The following LIPM variants were observed in gnomAD, a reference collection of about 807,000 sequenced individuals.
LIPM encodes lipase family member M.
Under a neutral mutation model 42.4 loss-of-function variants are expected in LIPM, and 42 were observed. The ratio of observed to expected loss-of-function variants is 0.99; its 90% CI spans 0.77 to 1.28. The LOEUF (loss-of-function observed/expected upper bound fraction) is 1.28. Ranked by LOEUF, LIPM falls within the 50% of genes most tolerant of loss-of-function variation. The probability of loss-of-function intolerance (pLI) is 0.00; values close to 1 mark genes in which losing one functional copy is unlikely to be tolerated. For synonymous variants in LIPM, 177 were observed against 173.3 expected (o/e 1.02, Z -0.17); for missense variants, 524 against 520.1 (o/e 1.01, Z -0.07).
chr10:88,803,062 G>A lies in LIPM; in HGVS notation c.147+19G>A. On this transcript the variant is annotated intron_variant, in intron 1 of 8. Coordinates refer to ENST00000404743, the MANE Select transcript of LIPM (RefSeq NM_001128215.1). Reference sequence around the variant, plus strand: ...GAATATTGTAAGTTGGGATTTCTGGGAAATGAGGTACTTAACATGTTAACG... The same window carrying A: ...GAATATTGTAAGTTGGGATTTCTGGAAAATGAGGTACTTAACATGTTAACG... The A allele has an allele frequency of 1.3e-6, 2 of 1,549,042 alleles. No individual in the cohort carries two copies. The highest frequency in any genetic ancestry group is 2.4e-5 in the East Asian group (1 of 40,868).
chr10:88,804,628 C>T (rs549611959), intron 1 of LIPM, among the ~76,000 whole-genome samples: 7 of 152,014 alleles, frequency 4.6e-5, no homozygotes, highest in East Asian at 1.9e-4. Context: ...TTAGTTGCCC[C>T]GGCTGCTCAT....
chr10:88,805,040 T>C (rs1422338715), intron 1 of LIPM, among the ~76,000 whole-genome samples: 2 of 152,196 alleles, frequency 1.3e-5, no homozygotes, highest in Admixed American at 6.5e-5. Context: ...GCATATGGAT[T>C]ATGGTCTATC....
chr10:88,819,891 G>A (rs1257847692), intron 8 of LIPM, among the ~76,000 whole-genome samples: 1 of 151,952 alleles, frequency 6.6e-6, no homozygotes, highest in African/African-American at 2.4e-5. Context: ...AAAAGAACAG[G>A]GGCATTATTT....
rs139948967 is a variant in LIPM at position 88,813,304 on chromosome 10, T to C, written c.464+9T>C. ...GAGTTCTGGGCTTTCAGGTATATGA[T>C]AATCTCGAGAACAGAGGTAGACATG... is the stretch of plus-strand genomic sequence containing the variant. On this transcript the variant is annotated intron_variant, in intron 3 of 8. Coordinates refer to ENST00000404743, the MANE Select transcript of LIPM (RefSeq NM_001128215.1). The C allele has an allele frequency of 9.4e-4, 1,466 of 1,566,872 alleles. 6 individuals carry two copies. Among genetic ancestry groups the C allele is most frequent in the Non-Finnish European group, 1.2e-3 (1,389 of 1,153,348 alleles).
chr10:88,803,145 AC>A (rs1318868153), intron 1 of LIPM, 102 bp downstream of exon 1: 2 of 1,275,924 alleles, frequency 1.6e-6, no homozygotes, highest in African/African-American at 3.0e-5. Flanking sequence ...GGTGATTCAT[AC>A]TAGAAGAGCA....
intron 1 of LIPM, among the ~76,000 whole-genome samples, chr10:88,808,006 G>A (rs1474932691): frequency 6.6e-6 from 1 of 152,214 alleles, no homozygotes; most frequent in East Asian, 1.9e-4. Context: ...TCCTGATTCA[G>A]TAGGTTTGGT....
Position 88,815,099 on chromosome 10 carries a change from T to C in LIPM, c.586T>C (p.Phe196Leu), listed in dbSNP as rs766483623. The C allele has an allele frequency of 3.2e-6, 5 of 1,544,550 alleles. No homozygotes were observed. The African/African-American group carries it at 5.5e-5, about 17-fold the overall frequency. The change falls in exon 5 of 9, where the codon TTT becomes CTT. Residue 196 changes from phenylalanine (F) to leucine (L), a missense_variant. Transcript: ENST00000404743. ...TTCTTCTTTTGCAGGCTTTATTGCA[T>C]TTTCCACCATGCCAGAGCTGGCTCA... Reference protein sequence around the residue: ...SQGTTMGFIAFSTMPELAQKI... With the variant: ...SQGTTMGFIALSTMPELAQKI...
At position 88,813,162 on chromosome 10, in the gene LIPM, C is replaced by G. The variant is rs750131365; in HGVS notation, c.331C>G (p.Leu111Val). ...VGGASNWISN[L>V]PNNSLGFILA... ...AGGTGCTAGCAACTGGATTTCCAACCTGCCCAACAATAGCCTGGGCTTCAT... is the reference window on the plus strand; with the variant it reads ...AGGTGCTAGCAACTGGATTTCCAACGTGCCCAACAATAGCCTGGGCTTCAT... The change falls in exon 3 of 9, where the codon CTG becomes GTG. Residue 111 changes from leucine (L) to valine (V), a missense_variant. Coordinates refer to ENST00000404743, the MANE Select transcript of LIPM (RefSeq NM_001128215.1). The G allele has an allele frequency of 5.0e-6, 8 of 1,612,936 alleles. No homozygotes were observed. Among genetic ancestry groups the G allele is most frequent in the Non-Finnish European group, 6.8e-6 (8 of 1,179,404 alleles).
In LIPM at chr10:88,816,638, C is replaced by A. The variant is rs372189263; in HGVS notation, c.859-178C>A. On this transcript the variant is annotated intron_variant, in intron 6 of 8. Coordinates refer to ENST00000404743, the MANE Select transcript of LIPM (RefSeq NM_001128215.1). The stretch of plus-strand genomic sequence containing the variant: ...TCAGATGAAAAATACCGGTGTCTGG[C>A]AATACATTTAATGACATTTTATTTA... Among the ~76,000 whole-genome samples the A allele has an allele frequency of 1.5e-4, 23 of 152,212 alleles. No individual in the cohort carries two copies. In the East Asian group the frequency reaches 3.7e-3, roughly 24 times the overall value.
chr10:88,808,241 C>G, intron 1 of LIPM, 57 bp from the exon 2 acceptor site: 3 of 943,202 alleles, frequency 3.2e-6, no homozygotes, highest in Non-Finnish European at 5.0e-6. Context: ...ACTTTTGGAT[C>G]ATTGAGAATA....
At chr10:88,811,528 AAAT>A (rs1425316385) in intron 2 of LIPM, among the ~76,000 whole-genome samples, 1 of 152,194 alleles carries the variant, frequency 6.6e-6, no homozygotes, top group African/African-American at 2.4e-5. Context: ...GCTAATGTCA[AAAT>A]AATATATATG....
chr10:88,816,797 T>C lies in LIPM; in HGVS notation c.859-19T>C. 6.5e-7 allele frequency: 1 copy of C among 1,529,952 alleles called. No homozygotes were observed. The highest frequency in any genetic ancestry group is 8.9e-7 in the Non-Finnish European group (1 of 1,127,168). The allele number at this position is 1,529,952 out of a possible 1,614,324, so 94.8% of individuals were successfully genotyped here. On this transcript the variant is annotated intron_variant, in intron 6 of 8. Coordinates refer to ENST00000404743, the MANE Select transcript of LIPM (RefSeq NM_001128215.1). ...GTGAGTTTTTCTATGTCCCCCAGAATACTCATGGTTTGTTACAGAGCCGAG... is the reference window on the plus strand; with the variant it reads ...GTGAGTTTTTCTATGTCCCCCAGAACACTCATGGTTTGTTACAGAGCCGAG...
intron 1 of LIPM, among the ~76,000 whole-genome samples, chr10:88,803,428 G>A (rs1843551139): frequency 6.6e-6 from 1 of 152,034 alleles, no homozygotes; most frequent in Non-Finnish European, 1.5e-5. Flanking sequence ...AAAGGTGTCA[G>A]CCTTTGCTTC....
intron 2 of LIPM, among the ~76,000 whole-genome samples, chr10:88,809,064 C>T (rs1463428296): frequency 6.6e-6 from 1 of 151,930 alleles, no homozygotes; most frequent in Non-Finnish European, 1.5e-5. Context: ...AAGCAATTCT[C>T]CTGCTTCAGC....
chr10:88,803,361 T>C (rs1843550408), intron 1 of LIPM, among the ~76,000 whole-genome samples: 1 of 152,198 alleles, frequency 6.6e-6, no homozygotes, highest in South Asian at 2.1e-4. Flanking sequence ...CCCAGTCCCT[T>C]GATTATTTCC....
chr10:88,808,011 T>G (rs1226543087), intron 1 of LIPM, among the ~76,000 whole-genome samples: 2 of 152,146 alleles, frequency 1.3e-5, no homozygotes, highest in Non-Finnish European at 2.9e-5. Flanking sequence ...ATTCAGTAGG[T>G]TTGGTTGGAA....
At chr10:88,816,764 T>A (rs41284094) in intron 6 of LIPM, 52 bp from the exon 7 acceptor site, 1 of 1,218,496 alleles carries the variant, frequency 8.2e-7, no homozygotes, top group Non-Finnish European at 1.2e-6. Context: ...TGACAGGGTA[T>A]ACATCTTGTG....
intron 1 of LIPM, among the ~76,000 whole-genome samples, chr10:88,803,497 A>G (rs1377057640): frequency 2.0e-5 from 3 of 151,780 alleles, no homozygotes; most frequent in Non-Finnish European, 4.4e-5. Context: ...TACTCTTTTT[A>G]TCCTGTTTCT....
chr10:88,820,205 G>A (rs1843770573), intron 8 of LIPM, 27 bp from the exon 9 acceptor site: 1 of 1,518,324 alleles, frequency 6.6e-7, no homozygotes, highest in African/African-American at 1.4e-5. Flanking sequence ...ATGTTACCTA[G>A]AGTTAAGAAC....
Sources: gnomAD v4.1 joint callset for allele counts (sites outside exome capture counted in the v4.1 genomes callset) on GRCh38, gnomAD v4.1.1 for gene constraint, MANE v1.5 for transcripts, NCBI Gene and HGNC (gene_info 2026-07-23, HGNC 2026-07-21) for gene names.